Variants in MACROD2 observed in about 807,000 individuals in gnomAD.
The protein encoded by MACROD2 is ADP-ribose glycohydrolase MACROD2.
MACROD2 carries 36 observed loss-of-function variants against 70.4 expected under a neutral mutation model. The ratio of observed to expected loss-of-function variants is 0.51; its 90% CI spans 0.39 to 0.68. The LOEUF (loss-of-function observed/expected upper bound fraction) is 0.68. Ranked by LOEUF, MACROD2 falls within the 30% of genes least tolerant of loss-of-function variation. The pLI is 0.00. For missense variants in MACROD2, 496 were observed against 538.4 expected (o/e 0.92, Z 0.78); for synonymous variants, 172 against 178.8 (o/e 0.96, Z 0.30).
At chr20:14,356,460 A>G (rs1444639278) in intron 3 of MACROD2, among the ~76,000 whole-genome samples, 1 of 150,292 alleles carries the variant, frequency 6.7e-6, no homozygotes, top group East Asian at 2.0e-4. Flanking sequence ...CAGGGCATCA[A>G]CTGAGATGGC....
At chr20:15,896,810 C>T (rs1180644937) in intron 10 of MACROD2, among the ~76,000 whole-genome samples, 2 of 151,956 alleles carry the variant, frequency 1.3e-5, no homozygotes, top group African/African-American at 2.4e-5. Context: ...CTGCTGTGTA[C>T]TTTGGTTTCA....
intron 7 of MACROD2, among the ~76,000 whole-genome samples, chr20:15,483,110 G>T (rs549215561): frequency 7.9e-5 from 12 of 151,756 alleles, no homozygotes; most frequent in Non-Finnish European, 1.3e-4. Context: ...GCATGTATTT[G>T]GTGTCATATC....
chr20:15,166,763 T>A (rs2076387172), intron 5 of MACROD2, among the ~76,000 whole-genome samples: 1 of 151,486 alleles, frequency 6.6e-6, no homozygotes, highest in Admixed American at 6.6e-5. Flanking sequence ...CCTTTAAAAA[T>A]CAGAAAAAAA....
intron 3 of MACROD2, among the ~76,000 whole-genome samples, chr20:14,191,204 C>T (rs1370293906): frequency 1.3e-5 from 2 of 152,088 alleles, no homozygotes; most frequent in African/African-American, 4.8e-5. Context: ...ATTTTTTACT[C>T]CTGTTGCCCT....
intron 5 of MACROD2, among the ~76,000 whole-genome samples, chr20:14,995,746 A>T (rs1600924629): frequency 6.6e-6 from 1 of 152,196 alleles, no homozygotes. Context: ...TAAAAATACC[A>T]TAATGGACAT....
chr20:15,859,318 G>GA (rs1237068727), intron 8 of MACROD2, among the ~76,000 whole-genome samples: 1 of 152,030 alleles, frequency 6.6e-6, no homozygotes, highest in African/African-American at 2.4e-5. Flanking sequence ...AACTTTTACT[G>GA]AAAAAAATCC....
intron 5 of MACROD2, among the ~76,000 whole-genome samples, chr20:14,831,845 G>A (rs1245356284): frequency 1.4e-5 from 2 of 143,752 alleles, no homozygotes; most frequent in East Asian, 2.1e-4. Context: ...TTGTCCTGCC[G>A]AGTTGTTGTG....
chr20:15,228,235 T>C (rs906554996), intron 5 of MACROD2, among the ~76,000 whole-genome samples: 1 of 152,202 alleles, frequency 6.6e-6, no homozygotes, highest in Non-Finnish European at 1.5e-5. Flanking sequence ...TTCACTTCTA[T>C]ATTGTAGTGG....
At chr20:15,763,352 AG>A (rs1229641647) in intron 8 of MACROD2, among the ~76,000 whole-genome samples, 1 of 152,182 alleles carries the variant, frequency 6.6e-6, no homozygotes, top group Non-Finnish European at 1.5e-5. Context: ...ACAACATCAA[AG>A]CCTGCCATCA....
intron 3 of MACROD2, among the ~76,000 whole-genome samples, chr20:14,111,574 A>T (rs1287853948): frequency 1.3e-5 from 2 of 152,090 alleles, no homozygotes; most frequent in Non-Finnish European, 2.9e-5. Context: ...TTCTCAAAAG[A>T]GGACACACAA....
chr20:14,049,839 T>G (rs1328145704), intron 2 of MACROD2, among the ~76,000 whole-genome samples: 1 of 151,842 alleles, frequency 6.6e-6, no homozygotes, highest in African/African-American at 2.4e-5. Context: ...ATCCCAGCTC[T>G]TTGGGAGGCC....
chr20:14,513,241 G>A (rs2085050743), intron 4 of MACROD2, among the ~76,000 whole-genome samples: 1 of 152,036 alleles, frequency 6.6e-6, no homozygotes, highest in Non-Finnish European at 1.5e-5. Context: ...AGTTATCTTA[G>A]AGACTTCTCA....
At chr20:15,525,697 G>A (rs925838068) in intron 8 of MACROD2, among the ~76,000 whole-genome samples, 2 of 152,222 alleles carry the variant, frequency 1.3e-5, no homozygotes, top group South Asian at 4.1e-4. Context: ...ACAGTAACTA[G>A]TGAAACTTTG....
At chr20:14,460,500 G>C (rs1348338082) in intron 3 of MACROD2, among the ~76,000 whole-genome samples, 1 of 151,984 alleles carries the variant, frequency 6.6e-6, no homozygotes, top group Non-Finnish European at 1.5e-5. Flanking sequence ...TTTTTCATAT[G>C]TTTGTTGGCC....
intron 6 of MACROD2, among the ~76,000 whole-genome samples, chr20:15,390,369 AT>A (rs796719766): frequency 3.7e-4 from 55 of 150,602 alleles, no homozygotes; most frequent in Non-Finnish European, 7.2e-4. Flanking sequence ...CACCAGTTTC[AT>A]TTTTTTTTCT....
At chr20:14,341,250 G>A (rs764471151) in intron 3 of MACROD2, among the ~76,000 whole-genome samples, 1 of 152,164 alleles carries the variant, frequency 6.6e-6, no homozygotes, top group Non-Finnish European at 1.5e-5. Flanking sequence ...AATCTTAGAA[G>A]ACATTAAGGT....
At chr20:14,069,756 C>T (rs2053814321) in intron 2 of MACROD2, among the ~76,000 whole-genome samples, 1 of 149,852 alleles carries the variant, frequency 6.7e-6, no homozygotes, top group Non-Finnish European at 1.5e-5. Context: ...ATGTCACTTC[C>T]CTGTGTCTAT....
chr20:15,056,957 AAGTTCATCACAAAG>A (rs1293046023), intron 5 of MACROD2, among the ~76,000 whole-genome samples: 3 of 152,228 alleles, frequency 2.0e-5, no homozygotes, highest in African/African-American at 7.2e-5. Context: ...CTAGAAGCCT[AAGTTCATCACAAAG>A]AGTTATGTGG....
chr20:15,858,284 T>TA (rs2064380440), intron 8 of MACROD2, among the ~76,000 whole-genome samples: 1 of 104,668 alleles, frequency 9.6e-6, no homozygotes, highest in African/African-American at 2.8e-5. Context: ...TGCCTAACAT[T>TA]TAAAAAAAAA....
Sources: gnomAD v4.1 joint callset for allele counts (sites outside exome capture counted in the v4.1 genomes callset) on GRCh38, gnomAD v4.1.1 for gene constraint, MANE v1.5 for transcripts, NCBI Gene and HGNC (gene_info 2026-07-23, HGNC 2026-07-21) for gene names.